Variants in ELOVL5 observed in about 807,000 individuals in gnomAD.
The protein encoded by ELOVL5 is ELOVL fatty acid elongase 5.
Under a neutral mutation model 38.6 loss-of-function variants are expected in ELOVL5, and 8 were observed. The ratio of observed to expected loss-of-function variants is 0.21; its 90% CI spans 0.12 to 0.37. The LOEUF is 0.37. Among genes scored for constraint, ELOVL5 ranks in the 10% least tolerant of loss-of-function variants. The pLI is 1.00. For synonymous variants in ELOVL5, 127 were observed against 133.7 expected (o/e 0.95, Z 0.34); for missense variants, 280 against 367.8 (o/e 0.76, Z 1.95).
intron 1 of ELOVL5, among the ~76,000 whole-genome samples, 190 bp downstream of exon 1, chr6:53,348,627 G>C (rs1322489461): frequency 2.0e-5 from 3 of 152,212 alleles, no homozygotes; most frequent in Non-Finnish European, 4.4e-5. Context: ...CCGAGGAGCC[G>C]GGCTGTACCC....
chr6:53,294,207 C>G lies in ELOVL5; in HGVS notation c.58+1435G>C, dbSNP rs988249314. 4.7e-6 allele frequency: 7 copies of G among 1,478,344 alleles called. No homozygotes were observed. The Admixed American group carries it at 7.1e-5, about 15-fold the overall frequency. 91.6% of individuals were successfully genotyped at this position (1,478,344 alleles called of 1,614,324 possible). On this transcript the variant is annotated intron_variant, in intron 2 of 7. Coordinates refer to ENST00000304434, the MANE Select transcript of ELOVL5 (RefSeq NM_021814.5). ...CACAGTGCTTCCCGGGCACCTGACC[C>G]GAACTCCAGCCCCAGGTAGAGAATC...
chr6:53,293,533 G>C (rs954545407), intron 2 of ELOVL5, among the ~76,000 whole-genome samples: 1 of 152,038 alleles, frequency 6.6e-6, no homozygotes, highest in African/African-American at 2.4e-5. Flanking sequence ...GGTCAGGCTG[G>C]TCTGGAACTC....
At chr6:53,333,941 C>T (rs1768920939) in intron 1 of ELOVL5, among the ~76,000 whole-genome samples, 2 of 152,048 alleles carry the variant, frequency 1.3e-5, no homozygotes, top group Non-Finnish European at 2.9e-5. Flanking sequence ...AACTATGATA[C>T]CACGTTGCCT....
At chr6:53,317,365 T>C (rs757970107) in intron 1 of ELOVL5, among the ~76,000 whole-genome samples, 6 of 152,218 alleles carry the variant, frequency 3.9e-5, no homozygotes, top group Non-Finnish European at 8.8e-5. Flanking sequence ...TGTGGCACTA[T>C]TCACGATAGC....
intron 1 of ELOVL5, among the ~76,000 whole-genome samples, chr6:53,336,484 A>G (rs1769073619): frequency 1.3e-5 from 2 of 152,146 alleles, no homozygotes; most frequent in Non-Finnish European, 2.9e-5. Flanking sequence ...ACACGGTGAA[A>G]CCTTGTCTCT....
At chr6:53,341,213 T>C (rs560156769) in intron 1 of ELOVL5, among the ~76,000 whole-genome samples, 29 of 152,368 alleles carry the variant, frequency 1.9e-4, no homozygotes, top group African/African-American at 5.0e-4. Context: ...CTTTCAAGTA[T>C]TGATCATAAA....
At chr6:53,282,045 C>T (rs1033163945) in intron 3 of ELOVL5, among the ~76,000 whole-genome samples, 3 of 152,200 alleles carry the variant, frequency 2.0e-5, no homozygotes, top group South Asian at 4.1e-4. Flanking sequence ...TCTCCCTGTT[C>T]AGGCCTCCCA....
Position 53,273,322 on chromosome 6 carries a change from A to G in ELOVL5, c.519T>C (p.Asn173=). ...AGTACATGAGGACGTGGATGAAGCT[A>G]TTAAGTGTGGCACCAAAATAAGCTG... is the stretch of plus-strand genomic sequence containing the variant. The part of the protein sequence containing the change: ...CGHSYFGATL[N]SFIHVLMYSY... The change falls in exon 6 of 8, where the codon AAT becomes AAC. Residue 173 remains asparagine (N), a synonymous_variant. Coordinates refer to ENST00000304434, the MANE Select transcript of ELOVL5 (RefSeq NM_021814.5). 1 of 1,613,544 alleles carries G rather than the reference A, an allele frequency of 6.2e-7. No individual in the cohort carries two copies.
At chr6:53,294,491 C>T (rs1364861110) in intron 2 of ELOVL5, 2 of 1,545,676 alleles carry the variant, frequency 1.3e-6, no homozygotes, top group Admixed American at 4.0e-5. Context: ...GCTGCTGATA[C>T]CTGGAAGTGG....
At position 53,342,121 on chromosome 6, in the gene ELOVL5, A is replaced by ACTTCTGCATATTATTATG. The variant is rs1243480482; in HGVS notation, c.-9+6695_-9+6696insCATAATAATATGCAGAAG. Among the ~76,000 whole-genome samples, 655 of 152,202 alleles carry ACTTCTGCATATTATTATG rather than the reference A, an allele frequency of 4.3e-3. 7 individuals are homozygous for ACTTCTGCATATTATTATG. The highest frequency in any genetic ancestry group is 0.015 in the African/African-American group (632 of 41,440). Reference sequence around the variant, plus strand: ...CAGAGATTAATATGCAGAAGTTCGGACAGAAGCAAACTCAAATTTTCACAC... The same window carrying ACTTCTGCATATTATTATG: ...CAGAGATTAATATGCAGAAGTTCGGACTTCTGCATATTATTATGCAGAAGCAAACTCAAATTTTCACAC... On this transcript the variant is annotated intron_variant, in intron 1 of 7. Transcript: ENST00000304434.
chr6:53,276,337 T>C, intron 3 of ELOVL5, 81 bp from the exon 4 acceptor site: 1 of 934,470 alleles, frequency 1.1e-6, no homozygotes, highest in Non-Finnish European at 1.7e-6. Context: ...TTGCAGAATC[T>C]GTGATAATTT....
At chr6:53,347,698 C>A (rs992157654) in intron 1 of ELOVL5, among the ~76,000 whole-genome samples, 7 of 152,230 alleles carry the variant, frequency 4.6e-5, no homozygotes, top group South Asian at 2.1e-4. Context: ...AAACCATGCA[C>A]TGGATTCTTC....
chr6:53,277,428 C>T (rs1766183167), intron 3 of ELOVL5, among the ~76,000 whole-genome samples: 1 of 152,084 alleles, frequency 6.6e-6, no homozygotes, highest in South Asian at 2.1e-4. Flanking sequence ...GATGAAGAGC[C>T]ATGGAATTAG....
intron 1 of ELOVL5, among the ~76,000 whole-genome samples, chr6:53,346,321 T>C (rs1425569861): frequency 1.3e-5 from 2 of 152,172 alleles, no homozygotes; most frequent in Non-Finnish European, 2.9e-5. Flanking sequence ...TGATGGGCAT[T>C]TGAGTTGGTT....
chr6:53,348,228 G>A (rs896677534), intron 1 of ELOVL5, among the ~76,000 whole-genome samples: 4 of 152,192 alleles, frequency 2.6e-5, no homozygotes, highest in Non-Finnish European at 5.9e-5. Flanking sequence ...CCCTCCGAGG[G>A]GCGGACGGAA....
intron 1 of ELOVL5, among the ~76,000 whole-genome samples, chr6:53,305,912 C>T (rs995043935): frequency 1.3e-5 from 2 of 151,990 alleles, no homozygotes; most frequent in Admixed American, 1.3e-4. Context: ...AGCCTGGGCA[C>T]CATTGAGCAC....
chr6:53,294,829 T>C (rs1451478188), intron 2 of ELOVL5, among the ~76,000 whole-genome samples: 1 of 152,182 alleles, frequency 6.6e-6, no homozygotes, highest in African/African-American at 2.4e-5. Flanking sequence ...GCATAACTAA[T>C]CAAGGCTAGC....
At chr6:53,288,327 G>C in intron 3 of ELOVL5, among the ~76,000 whole-genome samples, 1 of 152,202 alleles carries the variant, frequency 6.6e-6, no homozygotes, top group Non-Finnish European at 1.5e-5. Flanking sequence ...TAAGTTTGCT[G>C]TAAGGGCATC....
At chr6:53,274,925 G>A (rs1201197255) in intron 5 of ELOVL5, among the ~76,000 whole-genome samples, 165 bp downstream of exon 5, 5 of 152,150 alleles carry the variant, frequency 3.3e-5, no homozygotes, top group Non-Finnish European at 5.9e-5. Context: ...ACTAAAAAAG[G>A]GTTTTGTGTG....
Sources: allele counts gnomAD v4.1 joint callset (sites outside exome capture counted in the v4.1 genomes callset), GRCh38; gene constraint gnomAD v4.1.1; transcripts MANE v1.5; gene names NCBI Gene and HGNC (gene_info 2026-07-23, HGNC 2026-07-21).